The following KCNQ5 variants were observed in gnomAD, a reference collection of about 807,000 sequenced individuals.
The protein encoded by KCNQ5 is potassium voltage-gated channel subfamily KQT member 5.
A neutral mutation model predicts 98.2 loss-of-function variants in KCNQ5; 30 were observed. The ratio of observed to expected loss-of-function variants is 0.31; its 90% CI spans 0.23 to 0.41. The LOEUF is 0.41. Among genes scored for constraint, KCNQ5 ranks in the 10% least tolerant of loss-of-function variants. The pLI is 1.00. For synonymous variants in KCNQ5, 458 were observed against 449.4 expected, an observed-to-expected ratio of 1.02 and a Z score of -0.24; for missense variants, 835 against 1,182.5, an observed-to-expected ratio of 0.71 and a Z score of 4.31.
intron 1 of KCNQ5, among the ~76,000 whole-genome samples, chr6:72,652,424 G>GT (rs140924134): frequency 0.12 from 18,733 of 151,278 alleles, 1,336 homozygotes; most frequent in Non-Finnish European, 0.17. Context: ...TTTTCTCCTG[G>GT]TTTTTCCCCC....
At chr6:72,878,913 T>G (rs9442863) in intron 1 of KCNQ5, among the ~76,000 whole-genome samples, 33,155 of 152,158 alleles carry the variant, frequency 0.22, 3,828 homozygotes, top group East Asian at 0.36. Context: ...TTAGATGTGA[T>G]TTGCTAAGAT....
chr6:72,921,526 G>T (rs1780398800), intron 1 of KCNQ5, among the ~76,000 whole-genome samples: 1 of 152,146 alleles, frequency 6.6e-6, no homozygotes, highest in Non-Finnish European at 1.5e-5. Context: ...GAGTATCAGG[G>T]TTTGAATTCT....
intron 1 of KCNQ5, among the ~76,000 whole-genome samples, chr6:72,816,429 A>T (rs1775511588): frequency 6.6e-6 from 1 of 152,228 alleles, no homozygotes; most frequent in African/African-American, 2.4e-5. Context: ...TTGACAACTT[A>T]ACAGAATAGT....
chr6:73,087,110 A>G (rs1774018556), intron 5 of KCNQ5, among the ~76,000 whole-genome samples: 1 of 152,202 alleles, frequency 6.6e-6, no homozygotes, highest in Non-Finnish European at 1.5e-5. Flanking sequence ...TTTTAGATGG[A>G]AATAAGAAAA....
intron 1 of KCNQ5, among the ~76,000 whole-genome samples, chr6:72,959,004 A>G (rs1411676779): frequency 1.3e-5 from 2 of 152,308 alleles, no homozygotes; most frequent in East Asian, 3.9e-4. Flanking sequence ...TTTTCTCCTG[A>G]ATACTTCTGA....
chr6:72,973,234 C>T (rs1339928891), intron 1 of KCNQ5, among the ~76,000 whole-genome samples: 2 of 151,892 alleles, frequency 1.3e-5, no homozygotes, highest in African/African-American at 4.8e-5. Flanking sequence ...AATGTTTTAC[C>T]ATTAGTAAAA....
At chr6:73,025,623 CAAA>C (rs58607159) in intron 2 of KCNQ5, among the ~76,000 whole-genome samples, 71 of 52,936 alleles carry the variant, frequency 1.3e-3, no homozygotes, top group African/African-American at 2.5e-3. Context: ...AACTCCATCT[CAAA>C]AAAAAAAAAA....
chr6:72,934,026 C>G (rs888132288), intron 1 of KCNQ5, among the ~76,000 whole-genome samples: 1 of 152,160 alleles, frequency 6.6e-6, no homozygotes, highest in African/African-American at 2.4e-5. Context: ...TACTACTACA[C>G]TCCAGCCTGG....
intron 1 of KCNQ5, among the ~76,000 whole-genome samples, chr6:72,817,859 A>C (rs913798106): frequency 2.0e-5 from 3 of 152,052 alleles, no homozygotes; most frequent in Non-Finnish European, 4.4e-5. Context: ...GCACCATTGC[A>C]CTCCAGCCTG....
At chr6:72,843,538 A>G (rs1431532618) in intron 1 of KCNQ5, among the ~76,000 whole-genome samples, 1 of 152,168 alleles carries the variant, frequency 6.6e-6, no homozygotes, top group African/African-American at 2.4e-5. Flanking sequence ...TGGTAGCTTG[A>G]TGGGGATAGC....
rs117840567 is a variant in KCNQ5 at position 72,912,012 on chromosome 6, C to G, written c.399-91896C>G. Reference sequence around the variant, plus strand: ...TTCTGCTCTCATTCTTCACTGCAAGCTTCAAATATATAAGCGTTCTAGTTA... The same window carrying G: ...TTCTGCTCTCATTCTTCACTGCAAGGTTCAAATATATAAGCGTTCTAGTTA... On this transcript the variant is annotated intron_variant, in intron 1 of 13. Transcript: ENST00000370398. 3.5e-3 allele frequency among the ~76,000 whole-genome samples: 538 copies of G among 152,202 alleles called. 3 individuals carry two copies. Among genetic ancestry groups the G allele is most frequent in the East Asian group, 0.021 (106 of 5,170 alleles).
rs146779119 is a variant in KCNQ5, at chr6:72,814,488, A to G, written c.399-189420A>G. Among the ~76,000 whole-genome samples, 3 of 152,342 alleles carry G rather than the reference A, an allele frequency of 2.0e-5. No individual in the cohort carries two copies. In the East Asian group the frequency reaches 5.8e-4, roughly 29 times the overall value. The stretch of plus-strand genomic sequence containing the variant: ...ATAAAATACTCTAGCTCACTCCTGT[A>G]AAGAGCAACGCCCGACACAGGAAGT... On this transcript the variant is annotated intron_variant, in intron 1 of 13. Coordinates refer to ENST00000370398, the MANE Select transcript of KCNQ5 (RefSeq NM_019842.4).
intron 2 of KCNQ5, among the ~76,000 whole-genome samples, chr6:73,026,851 GA>G (rs78722429): frequency 1.1e-4 from 16 of 148,546 alleles, no homozygotes; most frequent in East Asian, 9.8e-4. Context: ...CAATTTTATA[GA>G]AAAAAAAAAC....
rs1351862124 is a variant in KCNQ5 at position 73,042,752 on chromosome 6, A to G, written c.616+690A>G. ...TCATTCACCTGGGTTCTAGCTTGAA[A>G]TTGTACTTCCTAATGAAGATGCCAT... is the stretch of plus-strand genomic sequence containing the variant. On this transcript the variant is annotated intron_variant, in intron 3 of 13. Coordinates refer to ENST00000370398, the MANE Select transcript of KCNQ5 (RefSeq NM_019842.4). 2.0e-5 allele frequency among the ~76,000 whole-genome samples: 3 copies of G among 152,208 alleles called. No homozygotes were observed. The East Asian group carries it at 5.8e-4, about 29-fold the overall frequency.
intron 1 of KCNQ5, among the ~76,000 whole-genome samples, chr6:72,634,560 G>C (rs901307831): frequency 2.0e-5 from 3 of 151,996 alleles, no homozygotes; most frequent in Admixed American, 6.6e-5. Context: ...TTGTTTGTTT[G>C]CTTTTGTTTG....
At chr6:72,884,001 A>G (rs1393237421) in intron 1 of KCNQ5, among the ~76,000 whole-genome samples, 1 of 152,204 alleles carries the variant, frequency 6.6e-6, no homozygotes, top group Non-Finnish European at 1.5e-5. Context: ...GTAAGAATCA[A>G]TATTCTTAAG....
At chr6:72,946,423 G>A (rs951946830) in intron 1 of KCNQ5, among the ~76,000 whole-genome samples, 7 of 151,920 alleles carry the variant, frequency 4.6e-5, no homozygotes, top group Admixed American at 1.3e-4. Flanking sequence ...TTTATTACAC[G>A]CTGTAATTCC....
chr6:73,195,658 C>A lies in KCNQ5; in HGVS notation c.*244C>A. 2.0e-6 allele frequency: 1 copy of A among 495,088 alleles called. No homozygotes were observed. The highest frequency in any genetic ancestry group is 3.6e-6 in the Non-Finnish European group (1 of 274,146). The allele number at this position is 495,088 out of a possible 1,614,324, so 30.7% of individuals were successfully genotyped here. On this transcript the variant is annotated 3_prime_UTR_variant, in exon 14 of 14. Coordinates refer to ENST00000370398, the MANE Select transcript of KCNQ5 (RefSeq NM_019842.4). ...ACCTTGAGTTAAAAAGCCTGAGAAA[C>A]CAAACACAGCTAATGCTATGGGGTG...
At chr6:72,851,780 ATAGTTATTATTTGT>A in intron 1 of KCNQ5, among the ~76,000 whole-genome samples, 1 of 151,520 alleles carries the variant, frequency 6.6e-6, no homozygotes, top group Non-Finnish European at 1.5e-5. Flanking sequence ...AAAGTTAAGA[ATAGTTATTATTTGT>A]TTGGTAAAAT....
Sources: allele counts gnomAD v4.1 joint callset (sites outside exome capture counted in the v4.1 genomes callset), GRCh38; gene constraint gnomAD v4.1.1; transcripts MANE v1.5; gene names NCBI Gene and HGNC (gene_info 2026-07-23, HGNC 2026-07-21).